The following HOOK1 variants were observed in gnomAD, a reference collection of about 807,000 sequenced individuals.
The protein encoded by HOOK1 is protein Hook homolog 1.
Under a neutral mutation model 112.8 loss-of-function variants are expected in HOOK1, and 60 were observed. The observed-to-expected ratio is 0.53, with a 90% CI of 0.43 to 0.66. HOOK1 has a LOEUF of 0.66. Among genes scored for constraint, HOOK1 ranks in the 30% least tolerant of loss-of-function variants. The pLI, the probability that HOOK1 is intolerant of heterozygous loss-of-function variation, is 0.00. For synonymous variants in HOOK1, 294 were observed against 283.8 expected (o/e 1.04, Z -0.36); for missense variants, 770 against 856.0 (o/e 0.90, Z 1.25).
At chr1:59,869,811 T>A (rs1644027159) in intron 20 of HOOK1, among the ~76,000 whole-genome samples, 1 of 152,102 alleles carries the variant, frequency 6.6e-6, no homozygotes, top group African/African-American at 2.4e-5. Flanking sequence ...AAGTCAAATA[T>A]CTCTTTATTA....
chr1:59,840,796 A>G (rs1442217509), intron 8 of HOOK1, among the ~76,000 whole-genome samples: 1 of 152,104 alleles, frequency 6.6e-6, no homozygotes, highest in African/African-American at 2.4e-5. Flanking sequence ...GTTCATATTT[A>G]TGTATGTAGT....
intron 12 of HOOK1, among the ~76,000 whole-genome samples, chr1:59,857,638 A>G (rs1377226992): frequency 1.3e-5 from 2 of 152,192 alleles, no homozygotes; most frequent in Non-Finnish European, 2.9e-5. Context: ...TGCTAAATTG[A>G]TTTGAAACAC....
chr1:59,830,760 A>G (rs1013530025), intron 3 of HOOK1, among the ~76,000 whole-genome samples: 1 of 151,668 alleles, frequency 6.6e-6, no homozygotes, highest in Non-Finnish European at 1.5e-5. Context: ...TTTATCTTTC[A>G]TTTCTGAACC....
At chr1:59,860,645 C>T (rs552770995) in intron 15 of HOOK1, among the ~76,000 whole-genome samples, 6 of 152,044 alleles carry the variant, frequency 3.9e-5, no homozygotes, top group South Asian at 2.1e-4. Context: ...AGTACAGTGG[C>T]GTGATCTTTG....
intron 12 of HOOK1, among the ~76,000 whole-genome samples, chr1:59,855,266 T>C (rs548184894): frequency 6.6e-6 from 1 of 152,194 alleles, no homozygotes; most frequent in African/African-American, 2.4e-5. Context: ...GTAGTTATCT[T>C]TTCTGCTCCT....
At position 59,868,232 on chromosome 1, in the gene HOOK1, AT is replaced by A. The variant is rs750145694; in HGVS notation, c.1846-11del. On this transcript the variant is annotated splice_polypyrimidine_tract_variant and intron_variant, in intron 19 of 21. Coordinates refer to ENST00000371208, the MANE Select transcript of HOOK1 (RefSeq NM_015888.6). ...CTTTAAAATATAAAGTGAACATAGT[AT>A]TTTTTTCTTTAAACAGGTAATAAAA... 3.7e-5 allele frequency: 48 copies of A among 1,309,450 alleles called. No homozygotes were observed. Among genetic ancestry groups the A allele is most frequent in the Middle Eastern group, 4.6e-4 (2 of 4,378 alleles). 81.1% of individuals were successfully genotyped at this position (1,309,450 alleles called of 1,614,324 possible).
intron 21 of HOOK1, 66 bp from the exon 22 acceptor site, chr1:59,872,729 G>T: frequency 8.8e-7 from 1 of 1,138,768 alleles, no homozygotes; most frequent in Non-Finnish European, 1.1e-6. Flanking sequence ...GTGTCTTTAT[G>T]TGAGAAGCAC....
chr1:59,852,731 TAA>T (rs1358115938), intron 12 of HOOK1, among the ~76,000 whole-genome samples: 1 of 151,768 alleles, frequency 6.6e-6, no homozygotes, highest in Non-Finnish European at 1.5e-5. Flanking sequence ...GATAGAAAGT[TAA>T]GTTATTGATT....
intron 11 of HOOK1, among the ~76,000 whole-genome samples, chr1:59,848,746 G>T (rs1485718813): frequency 2.6e-5 from 4 of 151,284 alleles, no homozygotes; most frequent in Non-Finnish European, 5.9e-5. Context: ...TTTCTTTTGA[G>T]ATTTTATTGT....
At chr1:59,868,725 A>G (rs552219869) in intron 20 of HOOK1, among the ~76,000 whole-genome samples, 2 of 152,354 alleles carry the variant, frequency 1.3e-5, no homozygotes, top group East Asian at 1.9e-4. Flanking sequence ...TGATTCAGTC[A>G]ATCACATTTT....
intron 12 of HOOK1, among the ~76,000 whole-genome samples, chr1:59,854,494 C>T (rs2098409485): frequency 6.6e-6 from 1 of 151,700 alleles, no homozygotes; most frequent in East Asian, 1.9e-4. Flanking sequence ...ATGATACATT[C>T]TCTGTTGTTT....
intron 7 of HOOK1, among the ~76,000 whole-genome samples, chr1:59,837,672 G>A (rs1024894437): frequency 6.6e-6 from 1 of 151,962 alleles, no homozygotes; most frequent in Admixed American, 6.6e-5. Flanking sequence ...TGTTAATGAG[G>A]TCATGTAAAA....
At chr1:59,822,592 G>A (rs913836737) in intron 2 of HOOK1, among the ~76,000 whole-genome samples, 2 of 152,062 alleles carry the variant, frequency 1.3e-5, no homozygotes, top group African/African-American at 4.8e-5. Flanking sequence ...TAAGGGTTAG[G>A]GTTACGGTCT....
intron 1 of HOOK1, among the ~76,000 whole-genome samples, chr1:59,819,570 C>A (rs1443139407): frequency 1.3e-5 from 2 of 152,174 alleles, no homozygotes; most frequent in Non-Finnish European, 2.9e-5. Context: ...TTCTCAGAGA[C>A]ACTCCAATGT....
At chr1:59,839,616 A>G (rs2102030010) in intron 7 of HOOK1, among the ~76,000 whole-genome samples, 1 of 152,294 alleles carries the variant, frequency 6.6e-6, no homozygotes, top group African/African-American at 2.4e-5. Context: ...TTCTAAATAT[A>G]CAATCATGTC....
At position 59,830,172 on chromosome 1, in the gene HOOK1, C is replaced by T. The variant is rs570495389; in HGVS notation, c.222+1320C>T. 4.6e-5 allele frequency among the ~76,000 whole-genome samples: 7 copies of T among 152,058 alleles called. No homozygotes were observed. In the South Asian group the frequency reaches 1.5e-3, roughly 32 times the overall value. ...GCATATGAAAACAGCATGCATTCTA[C>T]AGTTGTTATATAAATATAGATTTTG... On this transcript the variant is annotated intron_variant, in intron 3 of 21. Coordinates refer to ENST00000371208, the MANE Select transcript of HOOK1 (RefSeq NM_015888.6).
In HOOK1 at chr1:59,821,849, T is replaced by C; in HGVS notation, c.64-9T>C. On this transcript the variant is annotated splice_polypyrimidine_tract_variant and intron_variant, in intron 1 of 21. Coordinates refer to ENST00000371208, the MANE Select transcript of HOOK1 (RefSeq NM_015888.6). ...AAGCAGTAAGATCATTTGATTTATG[T>C]CATTTTAGCTGCAGACATTCAATAC... 2 of 1,574,622 alleles carry C rather than the reference T, an allele frequency of 1.3e-6. No individual in the cohort carries two copies. The highest frequency in any genetic ancestry group is 1.7e-6 in the Non-Finnish European group (2 of 1,163,428).
At chr1:59,824,498 G>A (rs1002287545) in intron 2 of HOOK1, among the ~76,000 whole-genome samples, 10 of 152,180 alleles carry the variant, frequency 6.6e-5, no homozygotes, top group Middle Eastern at 3.4e-3. Context: ...GAGCCACCGC[G>A]CCCAGCTCAA....
rs150937477 is a variant in HOOK1, at chr1:59,842,147, A to C, written c.622-1285A>C. Among the ~76,000 whole-genome samples the C allele has an allele frequency of 7.8e-4, 119 of 151,956 alleles. 1 individual carries two copies. The highest frequency in any genetic ancestry group is 6.2e-3 in the South Asian group (30 of 4,816). On this transcript the variant is annotated intron_variant, in intron 8 of 21. Coordinates refer to ENST00000371208, the MANE Select transcript of HOOK1 (RefSeq NM_015888.6). ...GAGTCCTACCCAGTTTTGATGCCTG[A>C]GGGTGTTGTTTTTCCTCTGTCAGTC...
Sources: allele counts gnomAD v4.1 joint callset (sites outside exome capture counted in the v4.1 genomes callset), GRCh38; gene constraint gnomAD v4.1.1; transcripts MANE v1.5; gene names NCBI Gene and HGNC (gene_info 2026-07-23, HGNC 2026-07-21).